ADAMTS9: variants seen among roughly 807,000 people sequenced by gnomAD.
The protein encoded by ADAMTS9 is A disintegrin and metalloproteinase with thrombospondin motifs 9.
ADAMTS9 carries 107 observed loss-of-function variants against 257.1 expected under a neutral mutation model. That is an observed-to-expected ratio of 0.42 (90% CI 0.36 to 0.49). ADAMTS9 has a LOEUF of 0.49. ADAMTS9 is among the 20% of genes least tolerant of loss of function. ADAMTS9 has a pLI of 0.03. For synonymous variants in ADAMTS9, 982 were observed against 880.9 expected (o/e 1.11, Z -2.03); for missense variants, 2,353 against 2,469.1 (o/e 0.95, Z 1.00).
chr3:64,554,358 A>G (rs2083305104), intron 30 of ADAMTS9, among the ~76,000 whole-genome samples: 1 of 152,212 alleles, frequency 6.6e-6, no homozygotes, highest in Admixed American at 6.5e-5. Flanking sequence ...AGTGTTTCCT[A>G]AATTAGTCAA....
intron 38 of ADAMTS9, among the ~76,000 whole-genome samples, chr3:64,530,699 A>G (rs933326172): frequency 2.0e-5 from 3 of 152,140 alleles, no homozygotes; most frequent in Admixed American, 2.0e-4. Flanking sequence ...GGTAGTAACT[A>G]TCTAACGAAT....
intron 22 of ADAMTS9, among the ~76,000 whole-genome samples, chr3:64,609,378 G>A (rs923870355): frequency 3.9e-5 from 6 of 151,926 alleles, no homozygotes; most frequent in African/African-American, 1.5e-4. Context: ...CTATACATTG[G>A]AATCCCAAGA....
intron 28 of ADAMTS9, among the ~76,000 whole-genome samples, chr3:64,570,956 A>G (rs1293305349): frequency 6.6e-6 from 1 of 152,190 alleles, no homozygotes; most frequent in African/African-American, 2.4e-5. Flanking sequence ...TTGCTTGACT[A>G]GGGTGAAGAA....
chr3:64,684,465 C>T (rs1362171672), intron 2 of ADAMTS9, among the ~76,000 whole-genome samples: 2 of 152,024 alleles, frequency 1.3e-5, no homozygotes, highest in Non-Finnish European at 2.9e-5. Flanking sequence ...GACTCCTAGG[C>T]GGAGAACTAG....
rs138119791 is a variant in ADAMTS9 at position 64,576,949 on chromosome 3, C to T, written c.4357-8414G>A. Among the ~76,000 whole-genome samples, 1,154 of 152,282 alleles carry T rather than the reference C, an allele frequency of 7.6e-3. 22 individuals carry two copies. Among genetic ancestry groups the T allele is most frequent in the East Asian group, 0.039 (204 of 5,170 alleles). ...ACATCTTCCACTCCCACCCCAACGC[C>T]CCCAGGAATATGGGGGACAGGGCGC... On this transcript the variant is annotated intron_variant, in intron 28 of 39. Coordinates refer to ENST00000498707, the MANE Select transcript of ADAMTS9 (RefSeq NM_182920.2).
intron 30 of ADAMTS9, among the ~76,000 whole-genome samples, chr3:64,558,187 G>A (rs1373001293): frequency 6.6e-6 from 1 of 152,160 alleles, no homozygotes; most frequent in Non-Finnish European, 1.5e-5. Context: ...ATTTGGCATC[G>A]GATTAGTGAA....
At chr3:64,649,546 T>G (rs1700879609) in intron 10 of ADAMTS9, 91 bp downstream of exon 10, 1 of 1,437,668 alleles carries the variant, frequency 7.0e-7, no homozygotes, top group East Asian at 2.3e-5. Flanking sequence ...CTTGGGTAGT[T>G]TATAGTCGAG....
chr3:64,533,209 A>G lies in ADAMTS9; in HGVS notation c.5675T>C (p.Ile1892Thr). 6.2e-7 allele frequency: 1 copy of G among 1,614,172 alleles called. No homozygotes were observed. The highest frequency in any genetic ancestry group is 8.5e-7 in the Non-Finnish European group (1 of 1,180,012). Reference protein sequence around the residue: ...GLSLTESARWISQGNYAVSDI... With the variant: ...GLSLTESARWTSQGNYAVSDI... ...AGAGACAGCATAATTCCCTTGTGAT[A>G]TCCATCTGGCAGATTCAGTTAAAGA... Residue 1892 changes from isoleucine to threonine, a missense_variant, in exon 38 of 40, where the codon ATA (isoleucine) becomes ACA (threonine). Ile to Thr is a moderately conservative substitution (Grantham distance 89). Around this residue, in one of 3 missense-constraint regions of ADAMTS9, gnomAD observed 1,402 missense variants for 1,441.4 expected, o/e 0.97. Transcript: ENST00000498707.
rs995961192 is a variant in ADAMTS9, at chr3:64,613,609, C to T, written c.3190-100G>A. 56 of 1,125,504 alleles carry T rather than the reference C, an allele frequency of 5.0e-5. No individual in the cohort carries two copies. The African/African-American group carries it at 8.3e-4, about 17-fold the overall frequency. 69.7% of individuals were successfully genotyped at this position (1,125,504 alleles called of 1,614,324 possible). A position where few individuals can be genotyped will look rare whatever the true frequency, so the allele number is the denominator to read the frequency against. On this transcript the variant is annotated intron_variant, in intron 21 of 39. Coordinates refer to ENST00000498707, the MANE Select transcript of ADAMTS9 (RefSeq NM_182920.2). ...AGTAGGAACAGGTGTGTCCTTTTCC[C>T]ACAGCAATCACTCTCCCATAGCAAT... is the stretch of plus-strand genomic sequence containing the variant.
chr3:64,597,739 C>A (rs971203016), intron 26 of ADAMTS9, among the ~76,000 whole-genome samples: 1 of 152,148 alleles, frequency 6.6e-6, no homozygotes, highest in Non-Finnish European at 1.5e-5. Context: ...CCCATACAAG[C>A]CTCTCATAGT....
At chr3:64,621,658 A>G (rs917806590) in intron 18 of ADAMTS9, among the ~76,000 whole-genome samples, 1 of 152,022 alleles carries the variant, frequency 6.6e-6, no homozygotes, top group African/African-American at 2.4e-5. Context: ...GCTACTCGGG[A>G]GACTGAGGCA....
At chr3:64,615,909 C>T (rs1445024599) in intron 20 of ADAMTS9, 51 bp downstream of exon 20, 2 of 1,605,514 alleles carry the variant, frequency 1.2e-6, no homozygotes, top group Non-Finnish European at 1.7e-6. Context: ...GAGCCACCAT[C>T]AACTAATCAG....
intron 16 of ADAMTS9, among the ~76,000 whole-genome samples, chr3:64,623,053 A>T (rs1425112139): frequency 6.6e-6 from 1 of 152,200 alleles, no homozygotes; most frequent in Admixed American, 6.5e-5. Flanking sequence ...TGTTTGACAG[A>T]TGTTGAAATC....
Position 64,643,445 on chromosome 3 carries a change from A to ATTTTT in ADAMTS9, c.1711-1457_1711-1453dup, listed in dbSNP as rs57471985. ...GTAGTCAACATAACATTACTCAATA[A>ATTTTT]TTTTTTTTTTTTTTTTTTTTTTTTT... On this transcript the variant is annotated intron_variant, in intron 11 of 39. Transcript: ENST00000498707. 4.6e-4 allele frequency among the ~76,000 whole-genome samples: 28 copies of ATTTTT among 61,414 alleles called. 2 individuals are homozygous for ATTTTT. The highest frequency in any genetic ancestry group is 1.1e-3 in the African/African-American group (16 of 14,266). 40.3% of individuals were successfully genotyped at this position (61,414 alleles called of 152,430 possible).
chr3:64,521,443 A>T (rs2082850182), intron 39 of ADAMTS9: 1 of 152,196 alleles, frequency 6.6e-6, no homozygotes, highest in Non-Finnish European at 1.5e-5. Context: ...ATTACTGGGT[A>T]TATATCAAAA....
At chr3:64,654,323 A>G (rs760609331) in intron 8 of ADAMTS9, 30 bp downstream of exon 8, 6 of 1,597,634 alleles carry the variant, frequency 3.8e-6, no homozygotes, top group East Asian at 4.5e-5. Flanking sequence ...GTCACTCCAA[A>G]TTAAATGAAA....
chr3:64,554,576 G>T (rs2083307825), intron 30 of ADAMTS9, among the ~76,000 whole-genome samples: 1 of 152,154 alleles, frequency 6.6e-6, no homozygotes, highest in South Asian at 2.1e-4. Context: ...CTGAAAAACA[G>T]TTGGAAAGTT....
chr3:64,670,752 T>A (rs1701467068), intron 3 of ADAMTS9, among the ~76,000 whole-genome samples: 1 of 152,120 alleles, frequency 6.6e-6, no homozygotes, highest in African/African-American at 2.4e-5. Flanking sequence ...GGATAGCAAA[T>A]ATGCACATGA....
rs1364060244 is a variant in ADAMTS9, at chr3:64,649,624, C to T, written c.1605+13G>A. ...TCAGTAGATGAGGGCAGAAGTGGCC[C>T]TCCTACACTTACCATATATGGGCAC... is the stretch of plus-strand genomic sequence containing the variant. On this transcript the variant is annotated intron_variant, in intron 10 of 39. Transcript: ENST00000498707. 2 of 1,609,232 alleles carry T rather than the reference C, an allele frequency of 1.2e-6. No homozygotes were observed. Among genetic ancestry groups the T allele is most frequent in the African/African-American group, 1.3e-5 (1 of 74,932 alleles).
Sources: gnomAD v4.1 joint callset for allele counts (sites outside exome capture counted in the v4.1 genomes callset) on GRCh38, gnomAD v4.1.1 for gene constraint, gnomAD v4.1.1 regional missense constraint, MANE v1.5 for transcripts, NCBI Gene and HGNC (gene_info 2026-07-23, HGNC 2026-07-21) for gene names.